EWSR1: variants seen among roughly 807,000 people sequenced by gnomAD.
EWSR1 encodes EWS RNA binding protein 1, also known as RNA-binding protein EWS.
Under a neutral mutation model 92.1 loss-of-function variants are expected in EWSR1, and 14 were observed. That is an observed-to-expected ratio of 0.15 (90% CI 0.10 to 0.24). EWSR1 has a LOEUF of 0.24. Among genes scored for constraint, EWSR1 ranks in the 10% least tolerant of loss-of-function variants. The pLI is 1.00. For missense variants in EWSR1, 637 were observed against 870.9 expected, an observed-to-expected ratio of 0.73 and a Z score of 3.38; for synonymous variants, 303 against 292.9, an observed-to-expected ratio of 1.03 and a Z score of -0.35.
intron 1 of EWSR1, among the ~76,000 whole-genome samples, chr22:29,268,789 T>C (rs2058370959): frequency 6.6e-6 from 1 of 152,238 alleles, no homozygotes. Flanking sequence ...TTTTCAGGGT[T>C]TCCTGAGAAA....
chr22:29,272,267 T>C lies in EWSR1; in HGVS notation c.50+15T>C. 1 of 1,614,110 alleles carries C rather than the reference T, an allele frequency of 6.2e-7. No individual in the cohort carries two copies. Among genetic ancestry groups the C allele is most frequent in the Non-Finnish European group, 8.5e-7 (1 of 1,179,934 alleles). ...GCGCAGCAGGGGTAAGTCAGTCTTT[T>C]ATAACCGTATTTTGTGTGTGATTAA... On this transcript the variant is annotated intron_variant, in intron 2 of 16. Transcript: ENST00000397938.
At chr22:29,296,180 C>CT (rs2060844514) in intron 11 of EWSR1, 59 bp from the exon 12 acceptor site, 1 of 1,549,444 alleles carries the variant, frequency 6.5e-7, no homozygotes, top group Non-Finnish European at 8.7e-7. Context: ...TTTGCCTGGA[C>CT]TTTTTTCTCC....
intron 5 of EWSR1, among the ~76,000 whole-genome samples, chr22:29,282,060 T>C (rs1240903137): frequency 1.3e-5 from 2 of 152,208 alleles, no homozygotes; most frequent in Non-Finnish European, 2.9e-5. Context: ...AGATCACTTC[T>C]CCCGGATCAC....
At chr22:29,276,719 G>A (rs559022154) in intron 4 of EWSR1, 25 of 231,204 alleles carry the variant, frequency 1.1e-4, no homozygotes, top group African/African-American at 4.4e-4. Context: ...GCCTAGGCTG[G>A]ATCTTACTGC....
intron 12 of EWSR1, among the ~76,000 whole-genome samples, chr22:29,297,321 CTT>C (rs1351285762): frequency 2.0e-5 from 3 of 152,102 alleles, no homozygotes; most frequent in Admixed American, 6.6e-5. Flanking sequence ...CTGAGCCTAA[CTT>C]TTGTATTTTT....
chr22:29,293,689 T>A (rs1344658943), intron 11 of EWSR1, among the ~76,000 whole-genome samples: 1 of 151,970 alleles, frequency 6.6e-6, no homozygotes, highest in South Asian at 2.1e-4. Context: ...CTCAGCCTCC[T>A]GAGTAGCTAG....
At chr22:29,276,915 G>T (rs1252583682) in intron 4 of EWSR1, 2 of 231,578 alleles carry the variant, frequency 8.6e-6, no homozygotes, top group Non-Finnish European at 1.7e-5. Context: ...GCCTCCCAAA[G>T]TGTAAACCAA....
intron 13 of EWSR1, 130 bp downstream of exon 13, chr22:29,298,079 A>ACAATGAATGTTTG: frequency 9.4e-7 from 1 of 1,060,482 alleles, no homozygotes; most frequent in Non-Finnish European, 1.3e-6. Flanking sequence ...TCGAGAGCTA[A>ACAATGAATGTTTG]CAATGAATGT....
chr22:29,296,876 A>G (rs2060902558), intron 12 of EWSR1, among the ~76,000 whole-genome samples: 1 of 152,064 alleles, frequency 6.6e-6, no homozygotes, highest in Non-Finnish European at 1.5e-5. Flanking sequence ...CCCTGTCTCT[A>G]CAAAAAAAAT....
chr22:29,289,865 G>T (rs1602454116), intron 8 of EWSR1: 1 of 231,236 alleles, frequency 4.3e-6, no homozygotes, highest in East Asian at 6.2e-5. Context: ...AAAGTCATTT[G>T]ACAACAGGCA....
Position 29,286,908 on chromosome 22 carries a change from TTC to T in EWSR1, c.582-7_582-6del, listed in dbSNP as rs746899874. On this transcript the variant is annotated splice_polypyrimidine_tract_variant and intron_variant, in intron 6 of 16. Coordinates refer to ENST00000397938, the MANE Select transcript of EWSR1 (RefSeq NM_005243.4). Reference sequence around the variant, plus strand: ...CTAAAAAAGCTTTTTTTTTTTTCTCTTCTCTCTCTTTCAGCTATTCCTCTACA... The same window carrying T: ...CTAAAAAAGCTTTTTTTTTTTTCTCTTCTCTCTTTCAGCTATTCCTCTACA... The T allele has an allele frequency of 1.3e-6, 2 of 1,596,884 alleles. No individual in the cohort carries two copies. Among genetic ancestry groups the T allele is most frequent in the South Asian group, 1.1e-5 (1 of 88,834 alleles).
chr22:29,298,902 ACTTGT>A lies in EWSR1; in HGVS notation c.1580+12_1580+16del. Reference sequence around the variant, plus strand: ...ACTGGCAGTGTCCCAATCCGTATGTACTTGTCTTGGCAAATTGATACCCTACGAGT... The same window carrying A: ...ACTGGCAGTGTCCCAATCCGTATGTACTTGGCAAATTGATACCCTACGAGT... On this transcript the variant is annotated splice_region_variant and intron_variant, in intron 14 of 16. Transcript: ENST00000397938. The A allele has an allele frequency of 6.5e-7, 1 of 1,535,488 alleles. No homozygotes were observed. The highest frequency in any genetic ancestry group is 8.7e-7 in the Non-Finnish European group (1 of 1,147,806).
intron 3 of EWSR1, 25 bp from the exon 4 acceptor site, chr22:29,273,716 T>C (rs1322689551): frequency 1.9e-6 from 3 of 1,600,946 alleles, no homozygotes; most frequent in Middle Eastern, 2.0e-4. Flanking sequence ...TATGAAGTTC[T>C]TGCATTCGTT....
intron 15 of EWSR1, 66 bp downstream of exon 15, chr22:29,299,397 G>A: frequency 6.4e-7 from 1 of 1,560,286 alleles, no homozygotes; most frequent in Admixed American, 1.9e-5. Flanking sequence ...TTATTTGTGG[G>A]CTTGGTAAAC....
chr22:29,275,888 G>A (rs549437103), intron 4 of EWSR1: 3 of 230,340 alleles, frequency 1.3e-5, no homozygotes, highest in African/African-American at 6.7e-5. Flanking sequence ...CACATAGTAG[G>A]TGTGTTTTCT....
At chr22:29,277,955 A>C in intron 4 of EWSR1, 75 bp from the exon 5 acceptor site, 1 of 1,351,632 alleles carries the variant, frequency 7.4e-7, no homozygotes. Context: ...GTGGTTTACA[A>C]ATTGTTCTGA....
In EWSR1 at chr22:29,300,292, A is replaced by AT. The variant is rs2061249107; in HGVS notation, c.*136dup. On this transcript the variant is annotated 3_prime_UTR_variant, in exon 17 of 17. Coordinates refer to ENST00000397938, the MANE Select transcript of EWSR1 (RefSeq NM_005243.4). ...GATTATTCCTTGTCTGTACTTTAGT[A>AT]TTTTTCACCATTTGTGAAGAAACAT... The AT allele has an allele frequency of 2.3e-6, 2 of 860,390 alleles. No individual in the cohort carries two copies. The highest frequency in any genetic ancestry group is 3.5e-6 in the Non-Finnish European group (2 of 565,646). The allele number at this position is 860,390 out of a possible 1,614,324, so 53.3% of individuals were successfully genotyped here. A position where few individuals can be genotyped will look rare whatever the true frequency, so the allele number is the denominator to read the frequency against.
intron 4 of EWSR1, chr22:29,275,687 G>T: frequency 4.4e-6 from 1 of 229,172 alleles, no homozygotes; most frequent in East Asian, 6.2e-5. Context: ...GAAAGTTATC[G>T]GATAGTCATT....
At chr22:29,298,925 C>A in intron 14 of EWSR1, 30 bp downstream of exon 14, 1 of 1,520,822 alleles carries the variant, frequency 6.6e-7, no homozygotes, top group South Asian at 1.3e-5. Flanking sequence ...AATTGATACC[C>A]TACGAGTGAA....
Sources: allele counts gnomAD v4.1 joint callset (sites outside exome capture counted in the v4.1 genomes callset), GRCh38; gene constraint gnomAD v4.1.1; transcripts MANE v1.5; gene names NCBI Gene and HGNC (gene_info 2026-07-23, HGNC 2026-07-21).